The following FGF12 variants were observed in gnomAD, a reference collection of about 807,000 sequenced individuals.
FGF12 encodes fibroblast growth factor 12.
A neutral mutation model predicts 23.6 loss-of-function variants in FGF12; 14 were observed. The ratio of observed to expected loss-of-function variants is 0.59; its 90% CI spans 0.39 to 0.93. FGF12 has a LOEUF of 0.93. Ranked by LOEUF, FGF12 falls within the 40% of genes least tolerant of loss-of-function variation. FGF12 has a pLI of 0.00. For synonymous variants in FGF12, 62 were observed against 77.3 expected (o/e 0.80, Z 1.04); for missense variants, 175 against 217.8 (o/e 0.80, Z 1.24).
At position 192,589,266 on chromosome 3, in the gene FGF12, C is replaced by T. The variant is rs769975201; in HGVS notation, c.13+137915G>A. On this transcript the variant is annotated intron_variant, in intron 2 of 5. Coordinates refer to ENST00000445105, the MANE Select transcript of FGF12 (RefSeq NM_004113.6). ...AGGAGAATCACTTGAACCCAGGAGG[C>T]GAAGTTTGCAGGAAGCCGAGATTGC... Among the ~76,000 whole-genome samples, 5 of 149,416 alleles carry T rather than the reference C, an allele frequency of 3.3e-5. No individual in the cohort carries two copies. The East Asian group carries it at 5.9e-4, about 18-fold the overall frequency.
rs568570958 is a variant in FGF12, at chr3:192,576,887, C to T, written c.13+150294G>A. Among the ~76,000 whole-genome samples the T allele has an allele frequency of 4.4e-4, 67 of 152,180 alleles. 3 individuals carry two copies. In the South Asian group the frequency reaches 0.012, roughly 28 times the overall value. ...AATACTATGCAGCCATAAAAAAGGA[C>T]GAGTTCATGTTCTTTGCAGGGACAG... On this transcript the variant is annotated intron_variant, in intron 2 of 5. Coordinates refer to ENST00000445105, the MANE Select transcript of FGF12 (RefSeq NM_004113.6).
At chr3:192,471,369 T>G (rs78905397) in intron 2 of FGF12, among the ~76,000 whole-genome samples, 1 of 152,230 alleles carries the variant, frequency 6.6e-6, no homozygotes, top group Non-Finnish European at 1.5e-5. Context: ...ACAAAATTAT[T>G]TGTAATCATA....
At chr3:192,332,357 T>C (rs898124868) in intron 4 of FGF12, among the ~76,000 whole-genome samples, 13 of 151,600 alleles carry the variant, frequency 8.6e-5, no homozygotes, top group African/African-American at 2.7e-4. Context: ...CAGAAGAATT[T>C]AATAAAATAA....
chr3:192,630,615 C>T (rs1233617682), intron 2 of FGF12, among the ~76,000 whole-genome samples: 5 of 149,956 alleles, frequency 3.3e-5, no homozygotes, highest in African/African-American at 9.8e-5. Flanking sequence ...TGCAGTGGCG[C>T]GATCTCGGCT....
At chr3:192,278,496 T>C (rs994722491) in intron 4 of FGF12, among the ~76,000 whole-genome samples, 2 of 152,202 alleles carry the variant, frequency 1.3e-5, no homozygotes, top group Non-Finnish European at 2.9e-5. Context: ...GCTCATCCTA[T>C]ATTTTGACTG....
chr3:192,511,303 C>T (rs1004699350), intron 2 of FGF12, among the ~76,000 whole-genome samples: 3 of 152,038 alleles, frequency 2.0e-5, no homozygotes, highest in Admixed American at 6.6e-5. Context: ...AAATGCTGCC[C>T]TTCTGTTTCA....
In FGF12 at chr3:192,561,618, T is replaced by C. The variant is rs774769831; in HGVS notation, c.13+165563A>G. On this transcript the variant is annotated intron_variant, in intron 2 of 5. Coordinates refer to ENST00000445105, the MANE Select transcript of FGF12 (RefSeq NM_004113.6). ...ACCTTGTGATCCGCCCGCCTCGGCC[T>C]CCCAAAGTGCTGGGATTACAGGCGT... Among the ~76,000 whole-genome samples, 135 of 152,288 alleles carry C rather than the reference T, an allele frequency of 8.9e-4. 1 individual carries two copies. The highest frequency in any genetic ancestry group is 1.4e-3 in the Non-Finnish European group (95 of 68,020).
chr3:192,378,613 A>G (rs1483448209), intron 2 of FGF12, among the ~76,000 whole-genome samples: 1 of 152,188 alleles, frequency 6.6e-6, no homozygotes, highest in East Asian at 1.9e-4. Flanking sequence ...ATTCTTTGGT[A>G]TAAGTTTACA....
intron 2 of FGF12, among the ~76,000 whole-genome samples, chr3:192,660,000 CCATTACTGGG>C (rs1172717952): frequency 4.0e-5 from 6 of 151,692 alleles, no homozygotes; most frequent in Non-Finnish European, 8.8e-5. Flanking sequence ...GGGTATATAT[CCATTACTGGG>C]TATATACCCA....
intron 4 of FGF12, among the ~76,000 whole-genome samples, chr3:192,322,930 CAGA>C: frequency 6.6e-6 from 1 of 152,248 alleles, no homozygotes; most frequent in Middle Eastern, 3.4e-3. Flanking sequence ...AGGCATTTCT[CAGA>C]AGAAGACTTA....
In FGF12 at chr3:192,335,003, A is replaced by G. The variant is rs73193541; in HGVS notation, c.228+358T>C. Among the ~76,000 whole-genome samples, 799 of 152,250 alleles carry G rather than the reference A, an allele frequency of 5.2e-3. 4 individuals are homozygous for G. The highest frequency in any genetic ancestry group is 7.1e-3 in the Non-Finnish European group (481 of 68,010). ...AGACTATTTCCAGACAAATTGAAGA[A>G]TTTTCCTCCCTGAGCCATCCTCCAT... is the stretch of plus-strand genomic sequence containing the variant. On this transcript the variant is annotated intron_variant, in intron 4 of 5. Coordinates refer to ENST00000445105, the MANE Select transcript of FGF12 (RefSeq NM_004113.6).
At chr3:192,414,745 C>G (rs1032944904) in intron 2 of FGF12, among the ~76,000 whole-genome samples, 1 of 152,226 alleles carries the variant, frequency 6.6e-6, no homozygotes, top group African/African-American at 2.4e-5. Flanking sequence ...CTAAAGTAAC[C>G]TGGAGGGGAA....
chr3:192,182,444 T>A (rs965261507), intron 4 of FGF12, among the ~76,000 whole-genome samples: 4 of 152,132 alleles, frequency 2.6e-5, no homozygotes, highest in Non-Finnish European at 5.9e-5. Context: ...CAAAGATGAC[T>A]ATAAGGATAT....
At chr3:192,574,439 A>C (rs1269262909) in intron 2 of FGF12, among the ~76,000 whole-genome samples, 2 of 152,224 alleles carry the variant, frequency 1.3e-5, no homozygotes, top group African/African-American at 4.8e-5. Flanking sequence ...TTTACCATAT[A>C]AACTTTTGCT....
At chr3:192,650,891 C>T (rs1716191596) in intron 2 of FGF12, among the ~76,000 whole-genome samples, 1 of 152,120 alleles carries the variant, frequency 6.6e-6, no homozygotes, top group Non-Finnish European at 1.5e-5. Context: ...ATATGAATAA[C>T]ATGAATATAA....
In FGF12 at chr3:192,236,996, C is replaced by T. The variant is rs1209919734; in HGVS notation, c.229-66340G>A. Among the ~76,000 whole-genome samples the T allele has an allele frequency of 2.0e-5, 3 of 152,100 alleles. No individual in the cohort carries two copies. In the East Asian group the frequency reaches 5.8e-4, roughly 29 times the overall value. ...TCATCTCCTGTGTTTATATTTAGCACTCTTTTAAGAATCTCTTATAAGGCA... is the reference window on the plus strand; with the variant it reads ...TCATCTCCTGTGTTTATATTTAGCATTCTTTTAAGAATCTCTTATAAGGCA... On this transcript the variant is annotated intron_variant, in intron 4 of 5. Transcript: ENST00000445105.
intron 2 of FGF12, among the ~76,000 whole-genome samples, chr3:192,601,533 A>T (rs1714114802): frequency 6.6e-6 from 1 of 152,130 alleles, no homozygotes; most frequent in Non-Finnish European, 1.5e-5. Flanking sequence ...TTGCAAAATC[A>T]CAATGTACCC....
chr3:192,227,717 C>T (rs934431731), intron 4 of FGF12, among the ~76,000 whole-genome samples: 2 of 151,774 alleles, frequency 1.3e-5, no homozygotes, highest in Non-Finnish European at 2.9e-5. Flanking sequence ...AAGGGAAACT[C>T]ACTCCCAACG....
intron 2 of FGF12, among the ~76,000 whole-genome samples, chr3:192,622,762 G>T (rs534938047): frequency 1.3e-4 from 20 of 152,130 alleles, no homozygotes; most frequent in African/African-American, 4.1e-4. Flanking sequence ...TCTTCATCAG[G>T]TGAGGACCCA....
Sources: allele counts gnomAD v4.1 joint callset (sites outside exome capture counted in the v4.1 genomes callset), GRCh38; gene constraint gnomAD v4.1.1; transcripts MANE v1.5; gene names NCBI Gene and HGNC (gene_info 2026-07-23, HGNC 2026-07-21).